The following NCAPH variants were observed in gnomAD, a reference collection of about 807,000 sequenced individuals.
NCAPH encodes the protein condensin complex subunit 2.
NCAPH carries 38 observed loss-of-function variants against 85.5 expected under a neutral mutation model. That is an observed-to-expected ratio of 0.44 (90% CI 0.34 to 0.58). The LOEUF (loss-of-function observed/expected upper bound fraction) is 0.58, where lower values mean the gene tolerates loss of function less well. Ranked by LOEUF, NCAPH falls within the 20% of genes least tolerant of loss-of-function variation. NCAPH has a pLI of 0.01. For missense variants in NCAPH, 789 were observed against 916.6 expected (o/e 0.86, Z 1.80); for synonymous variants, 301 against 335.1 (o/e 0.90, Z 1.11).
chr2:96,342,222 G>A, intron 3 of NCAPH, 82 bp downstream of exon 3: 2 of 1,223,276 alleles, frequency 1.6e-6, no homozygotes. Flanking sequence ...TGTAGATAAT[G>A]CACAATCAAT....
At chr2:96,363,897 A>G (rs537804113) in intron 12 of NCAPH, among the ~76,000 whole-genome samples, 1 of 152,068 alleles carries the variant, frequency 6.6e-6, no homozygotes, top group South Asian at 2.1e-4. Flanking sequence ...GTGCAGCCTC[A>G]ACCCCTGGGC....
At chr2:96,366,812 G>T (rs1390721711) in intron 14 of NCAPH, among the ~76,000 whole-genome samples, 1 of 151,268 alleles carries the variant, frequency 6.6e-6, no homozygotes, top group Non-Finnish European at 1.5e-5. Context: ...AGGAGGCAGA[G>T]GTTGCAGTAA....
chr2:96,365,749 T>C, intron 13 of NCAPH, 127 bp from the exon 14 acceptor site: 2 of 908,268 alleles, frequency 2.2e-6, no homozygotes, highest in Non-Finnish European at 3.5e-6. Flanking sequence ...AAGTTCATCG[T>C]AGTGTAACTC....
chr2:96,360,515 CTGCT>C, intron 11 of NCAPH, 69 bp from the exon 12 acceptor site: 2 of 1,558,412 alleles, frequency 1.3e-6, no homozygotes, highest in Non-Finnish European at 1.8e-6. Context: ...CCTTCCCAGA[CTGCT>C]TTAAAAAAAG....
intron 6 of NCAPH, among the ~76,000 whole-genome samples, chr2:96,351,324 C>G (rs576882459): frequency 3.3e-5 from 5 of 152,314 alleles, no homozygotes; most frequent in Non-Finnish European, 5.9e-5. Context: ...ATGTTTATCT[C>G]CTGACTATAA....
At chr2:96,357,578 T>C (rs2104465264) in intron 9 of NCAPH, among the ~76,000 whole-genome samples, 1 of 152,354 alleles carries the variant, frequency 6.6e-6, no homozygotes, top group Middle Eastern at 3.4e-3. Context: ...TTCTTCCTTC[T>C]ACCTCTGGAG....
At chr2:96,351,075 ACT>A (rs1330648080) in intron 6 of NCAPH, among the ~76,000 whole-genome samples, 1 of 151,874 alleles carries the variant, frequency 6.6e-6, no homozygotes, top group Non-Finnish European at 1.5e-5. Flanking sequence ...AGCCCTACTG[ACT>A]CTGTCCTTTG....
In NCAPH at chr2:96,355,672, C is replaced by T. The variant is rs1484848566; in HGVS notation, c.1208+1284C>T. Among the ~76,000 whole-genome samples the T allele has an allele frequency of 3.4e-5, 5 of 149,092 alleles. No individual in the cohort carries two copies. In the East Asian group the frequency reaches 5.9e-4, roughly 18 times the overall value. ...TTTTTTTTTTTTTGAGACAGAGTCT[C>T]GGTCTGTCGCCCAGGCTGGAGTGCA... On this transcript the variant is annotated intron_variant, in intron 9 of 17. Transcript: ENST00000240423.
At chr2:96,343,452 G>A (rs542587972) in intron 5 of NCAPH, 148 bp downstream of exon 5, 5 of 880,396 alleles carry the variant, frequency 5.7e-6, no homozygotes, top group South Asian at 3.3e-5. Context: ...ATGGTCTTAC[G>A]TGAGAAGATA....
At position 96,335,855 on chromosome 2, in the gene NCAPH, C is replaced by G; in HGVS notation, c.19+7C>G. The G allele has an allele frequency of 1.3e-6, 2 of 1,485,524 alleles. No homozygotes were observed. Among genetic ancestry groups the G allele is most frequent in the Non-Finnish European group, 1.8e-6 (2 of 1,121,382 alleles). The allele number at this position is 1,485,524 out of a possible 1,614,324, so 92.0% of individuals were successfully genotyped here. A position where few individuals can be genotyped will look rare whatever the true frequency, so the allele number is the denominator to read the frequency against. On this transcript the variant is annotated splice_region_variant and intron_variant, in intron 1 of 17. Coordinates refer to ENST00000240423, the MANE Select transcript of NCAPH (RefSeq NM_015341.5). ...ATGGGACCTCCCGGCCCAGGTGAGC[C>G]GGGCGGTCGGGAGGCGCGGCGGGAA...
At chr2:96,372,126 G>A (rs1303616198) in intron 17 of NCAPH, among the ~76,000 whole-genome samples, 1 of 152,234 alleles carries the variant, frequency 6.6e-6, no homozygotes, top group Non-Finnish European at 1.5e-5. Context: ...GCAGAGCCAG[G>A]GCAGGCTGGT....
chr2:96,354,372 C>G lies in NCAPH; in HGVS notation c.1192C>G (p.Gln398Glu). 6.3e-7 allele frequency: 1 copy of G among 1,599,794 alleles called. No individual in the cohort carries two copies. Among genetic ancestry groups the G allele is most frequent in the South Asian group, 1.1e-5 (1 of 89,148 alleles). Reference sequence around the variant, plus strand: ...GTTCAGGAGCTGGAAGGAGCCCTGCCAGGTTCAGAGCTGCCAGTAAGGCTC... The same window carrying G: ...GTTCAGGAGCTGGAAGGAGCCCTGCGAGGTTCAGAGCTGCCAGTAAGGCTC... ...EEFRSWKEPCQVQSCQEEMIS... is the reference protein window; with the variant it reads ...EEFRSWKEPCEVQSCQEEMIS... The change falls in exon 9 of 18, where the codon CAG becomes GAG. Residue 398 changes from glutamine (Q) to glutamate (E), a missense_variant. By Grantham distance (29) the Gln-to-Glu change is conservative (BLOSUM62 2). Transcript: ENST00000240423.
chr2:96,344,377 T>C, intron 6 of NCAPH, 148 bp downstream of exon 6: 2 of 871,816 alleles, frequency 2.3e-6, no homozygotes, highest in Non-Finnish European at 3.2e-6. Flanking sequence ...CATTATCATC[T>C]TTTAGCTTGA....
intron 17 of NCAPH, among the ~76,000 whole-genome samples, chr2:96,372,657 A>C (rs554177852): frequency 6.6e-6 from 1 of 152,178 alleles, no homozygotes; most frequent in African/African-American, 2.4e-5. Context: ...CCCATTAGTC[A>C]CTTGGTAGCC....
At chr2:96,371,320 C>T (rs1282004907) in intron 17 of NCAPH, among the ~76,000 whole-genome samples, 2 of 152,128 alleles carry the variant, frequency 1.3e-5, no homozygotes, top group African/African-American at 2.4e-5. Context: ...CTCAGAAACC[C>T]TTCTGAGTCC....
chr2:96,357,817 A>G (rs1224278318), intron 9 of NCAPH, among the ~76,000 whole-genome samples: 2 of 152,168 alleles, frequency 1.3e-5, no homozygotes, highest in Admixed American at 6.5e-5. Flanking sequence ...CTTATTCCAT[A>G]TGGCTTATAT....
Position 96,375,229 on chromosome 2 carries a change from C to T in NCAPH, c.*1878C>T, listed in dbSNP as rs1573104446. 6.6e-6 allele frequency among the ~76,000 whole-genome samples: 1 copy of T among 151,756 alleles called. No homozygotes were observed. Among genetic ancestry groups the T allele is most frequent in the South Asian group, 2.1e-4 (1 of 4,810 alleles). ...TCTCTTAAACAAAAAAAAAAACTGG[C>T]GAGTTCAATACCAACTTCTACAATG... On this transcript the variant is annotated 3_prime_UTR_variant, in exon 18 of 18. Coordinates refer to ENST00000240423, the MANE Select transcript of NCAPH (RefSeq NM_015341.5).
chr2:96,345,258 T>G (rs936038344), intron 6 of NCAPH, among the ~76,000 whole-genome samples: 1 of 151,558 alleles, frequency 6.6e-6, no homozygotes, highest in Non-Finnish European at 1.5e-5. Flanking sequence ...GAGCTTGGAG[T>G]GGGGGCCCCT....
intron 15 of NCAPH, among the ~76,000 whole-genome samples, 169 bp from the exon 16 acceptor site, chr2:96,368,803 A>G (rs2064733698): frequency 6.6e-6 from 1 of 152,256 alleles, no homozygotes; most frequent in African/African-American, 2.4e-5. Context: ...TCATTAGAGC[A>G]GAGCTGAGGC....
Sources: gnomAD v4.1 joint callset for allele counts (sites outside exome capture counted in the v4.1 genomes callset) on GRCh38, gnomAD v4.1.1 for gene constraint, MANE v1.5 for transcripts, NCBI Gene and HGNC (gene_info 2026-07-23, HGNC 2026-07-21) for gene names.